Variants in ARGFX observed in about 807,000 individuals in gnomAD.
The protein encoded by ARGFX is arginine-fifty homeobox.
A neutral mutation model predicts 8.0 loss-of-function variants in ARGFX; 10 were observed. The ratio of observed to expected loss-of-function variants is 1.25; its 90% CI spans 0.77 to 2.12. The LOEUF is 2.12. Ranked by LOEUF, ARGFX falls within the 30% of genes most tolerant of loss-of-function variation. The pLI is 0.00. For synonymous variants in ARGFX, 116 were observed against 117.8 expected (o/e 0.98, Z 0.10); for missense variants, 282 against 324.3 (o/e 0.87, Z 1.00).
chr3:121,588,461 G>C lies in ARGFX; in HGVS notation c.*1861G>C, dbSNP rs1366009972. 3.4e-5 allele frequency among the ~76,000 whole-genome samples: 5 copies of C among 148,692 alleles called. No individual in the cohort carries two copies. The Admixed American group carries it at 3.4e-4, about 10-fold the overall frequency. On this transcript the variant is annotated 3_prime_UTR_variant, in exon 5 of 5. Transcript: ENST00000334384. ...CCACTGCACTCCAGCCTGGACAACA[G>C]AGCAAGACTCTGTCTCAAAAAAAAA...
At chr3:121,580,197 A>G (rs2048769860) in intron 3 of ARGFX, among the ~76,000 whole-genome samples, 1 of 150,578 alleles carries the variant, frequency 6.6e-6, no homozygotes, top group African/African-American at 2.4e-5. Context: ...AACTCCTAAG[A>G]CAGAGCAAGA....
intron 2 of ARGFX, among the ~76,000 whole-genome samples, chr3:121,576,141 G>T (rs1334392912): frequency 6.6e-6 from 1 of 151,638 alleles, no homozygotes; most frequent in Non-Finnish European, 1.5e-5. Flanking sequence ...GAGAATGGGG[G>T]TCTCACTATG....
At chr3:121,568,073 AT>A (rs1213679318) in intron 1 of ARGFX, among the ~76,000 whole-genome samples, 60 bp downstream of exon 1, 3 of 152,150 alleles carry the variant, frequency 2.0e-5, no homozygotes, top group Non-Finnish European at 4.4e-5. Context: ...CTCAAAGAGG[AT>A]TTGAAAAATC....
intron 3 of ARGFX, among the ~76,000 whole-genome samples, chr3:121,579,924 CTT>C (rs1560121234): frequency 2.0e-4 from 21 of 107,514 alleles, no homozygotes; most frequent in Middle Eastern, 5.4e-3. Context: ...TTCTTTCTTT[CTT>C]TTTCTTTTCT....
At chr3:121,577,259 A>ATATATATTTTTTTT (rs1403064031) in intron 3 of ARGFX, among the ~76,000 whole-genome samples, 2 of 59,644 alleles carry the variant, frequency 3.4e-5, no homozygotes, top group African/African-American at 1.2e-4. Flanking sequence ...ATATATATAT[A>ATATATATTTTTTTT]TTTTTTTTTT....
At chr3:121,577,252 T>TATATATATATATATATCTACATGTAC (rs2048746717) in intron 3 of ARGFX, among the ~76,000 whole-genome samples, 1 of 53,996 alleles carries the variant, frequency 1.9e-5, no homozygotes, top group Non-Finnish European at 3.6e-5. Context: ...TATATATATA[T>TATATATATATATATATCTACATGTAC]ATATATATTT....
rs1175021661 is a variant in ARGFX, at chr3:121,590,549, G to T, written c.*3949G>T. Among the ~76,000 whole-genome samples the T allele has an allele frequency of 1.3e-5, 2 of 151,770 alleles. No individual in the cohort carries two copies. The highest frequency in any genetic ancestry group is 2.9e-5 in the Non-Finnish European group (2 of 67,988). ...AACATGAAGGCCCTGGCCAGGTGTG[G>T]CCCCTCCATCTTCCGTCTGAGACTG... On this transcript the variant is annotated 3_prime_UTR_variant, in exon 5 of 5. Coordinates refer to ENST00000334384, the MANE Select transcript of ARGFX (RefSeq NM_001012659.2).
chr3:121,577,259 A>ATATATATATATTT (rs1403064031), intron 3 of ARGFX, among the ~76,000 whole-genome samples: 15 of 59,606 alleles, frequency 2.5e-4, no homozygotes, highest in East Asian at 6.9e-4. Context: ...ATATATATAT[A>ATATATATATATTT]TTTTTTTTTT....
At chr3:121,573,740 C>T (rs552401) in intron 2 of ARGFX, among the ~76,000 whole-genome samples, 14,756 of 147,734 alleles carry the variant, frequency 0.1, 777 homozygotes, top group Middle Eastern at 0.15. Flanking sequence ...CCCAGCTACT[C>T]GGGAGGCTGA....
intron 3 of ARGFX, among the ~76,000 whole-genome samples, chr3:121,579,940 CTTTTCTTTTTTTTTTTTTTTTTTT>C (rs989988778): frequency 4.6e-5 from 2 of 43,258 alleles, no homozygotes; most frequent in Non-Finnish European, 9.2e-5. Context: ...CTTTTCTTTT[CTTTTCTTTTTTTTTTTTTTTTTTT>C]TTTTTTTGAG....
chr3:121,586,111 G>A lies in ARGFX; in HGVS notation c.459G>A (p.Lys153=). Residue 153 remains lysine (K), a synonymous_variant, in exon 5 of 5, where the codon AAG becomes AAA. Coordinates refer to ENST00000334384, the MANE Select transcript of ARGFX (RefSeq NM_001012659.2). ...KQRNQILPSK[K]NVPTSPRTSP... is the part of the protein sequence containing the mutation. The stretch of plus-strand genomic sequence containing the variant: ...GAAACCAGATCCTTCCATCCAAGAA[G>A]AATGTGCCCACCTCCCCCAGAACAT... The A allele has an allele frequency of 1.2e-6, 2 of 1,611,382 alleles. No homozygotes were observed. The highest frequency in any genetic ancestry group is 2.7e-5 in the African/African-American group (2 of 74,872).
intron 3 of ARGFX, among the ~76,000 whole-genome samples, chr3:121,578,712 C>T (rs2048759201): frequency 6.6e-6 from 1 of 150,840 alleles, no homozygotes; most frequent in Non-Finnish European, 1.5e-5. Context: ...GCTCTGTTGC[C>T]CAGGCTGGAG....
chr3:121,577,126 T>C (rs1266822520), intron 3 of ARGFX, among the ~76,000 whole-genome samples: 1 of 150,792 alleles, frequency 6.6e-6, no homozygotes, highest in Non-Finnish European at 1.5e-5. Flanking sequence ...TTTTGTAGTC[T>C]ACTCTCTATA....
intron 1 of ARGFX, among the ~76,000 whole-genome samples, chr3:121,568,888 T>C (rs535830432): frequency 5.2e-4 from 79 of 152,342 alleles, no homozygotes; most frequent in South Asian, 2.1e-3. Flanking sequence ...AGGCCATCTG[T>C]TGTTATTGCT....
rs1364183372 is a variant in ARGFX at position 121,586,097 on chromosome 3, C to T, written c.445C>T (p.Leu149Phe). The T allele has an allele frequency of 1.2e-6, 2 of 1,608,258 alleles. No individual in the cohort carries two copies. The highest frequency in any genetic ancestry group is 1.7e-6 in the Non-Finnish European group (2 of 1,178,144). The change falls in exon 5 of 5, where the codon CTT becomes TTT. Residue 149 changes from leucine to phenylalanine, a missense_variant. Coordinates refer to ENST00000334384, the MANE Select transcript of ARGFX (RefSeq NM_001012659.2). ...QQSAKQRNQI[L>F]PSKKNVPTSP... ...ATCAGCAAAGCAACGAAACCAGATC[C>T]TTCCATCCAAGAAGAATGTGCCCAC...
Position 121,588,542 on chromosome 3 carries a change from A to G in ARGFX, c.*1942A>G, listed in dbSNP as rs1189259682. Among the ~76,000 whole-genome samples the G allele has an allele frequency of 2.0e-5, 3 of 151,818 alleles. No individual in the cohort carries two copies. The highest frequency in any genetic ancestry group is 2.0e-4 in the Admixed American group (3 of 15,242). The stretch of plus-strand genomic sequence containing the variant: ...ACATAAGATAAGTACCTCTCAATGA[A>G]AAATGTAAAAGTACCTAGAAATTCA... On this transcript the variant is annotated 3_prime_UTR_variant, in exon 5 of 5. Transcript: ENST00000334384.
In ARGFX at chr3:121,586,446, G is replaced by T; in HGVS notation, c.794G>T (p.Gly265Val). 6.2e-7 allele frequency: 1 copy of T among 1,614,158 alleles called. No individual in the cohort carries two copies. Among genetic ancestry groups the T allele is most frequent in the Admixed American group, 1.7e-5 (1 of 60,010 alleles). The change falls in exon 5 of 5, where the codon GGT (glycine) becomes GTT (valine). Residue 265 changes from glycine to valine, a missense_variant. Coordinates refer to ENST00000334384, the MANE Select transcript of ARGFX (RefSeq NM_001012659.2). ...SPTKYQVGGQ[G>V]SSLSIFAGPA... is the part of the protein sequence containing the mutation. ...ACAAAGTACCAGGTAGGAGGACAGG[G>T]TTCCTCTCTCAGCATCTTTGCTGGT... is the stretch of plus-strand genomic sequence containing the variant.
chr3:121,575,305 C>A (rs1211432469), intron 2 of ARGFX, among the ~76,000 whole-genome samples: 2 of 147,522 alleles, frequency 1.4e-5, no homozygotes, highest in African/African-American at 5.0e-5. Flanking sequence ...GGCGACAGAG[C>A]GAGACTCCAT....
At position 121,586,447 on chromosome 3, in the gene ARGFX, T is replaced by G. The variant is rs2048813500; in HGVS notation, c.795T>G (p.Gly265=). ...SPTKYQVGGQ[G]SSLSIFAGPA... is the part of the protein sequence containing the mutation. ...CAAAGTACCAGGTAGGAGGACAGGG[T>G]TCCTCTCTCAGCATCTTTGCTGGTC... The change falls in exon 5 of 5, where the codon GGT becomes GGG. Residue 265 remains glycine, a synonymous_variant. Coordinates refer to ENST00000334384, the MANE Select transcript of ARGFX (RefSeq NM_001012659.2). 3 of 1,614,106 alleles carry G rather than the reference T, an allele frequency of 1.9e-6. No homozygotes were observed. The highest frequency in any genetic ancestry group is 2.5e-6 in the Non-Finnish European group (3 of 1,180,028).
Sources: gnomAD v4.1 joint callset for allele counts (sites outside exome capture counted in the v4.1 genomes callset) on GRCh38, gnomAD v4.1.1 for gene constraint, MANE v1.5 for transcripts, NCBI Gene and HGNC (gene_info 2026-07-23, HGNC 2026-07-21) for gene names.